The following CALU variants were observed in gnomAD, a reference collection of about 807,000 sequenced individuals.
CALU encodes IEF SSP 9302.
A neutral mutation model predicts 37.5 loss-of-function variants in CALU; 13 were observed. The ratio of observed to expected loss-of-function variants is 0.35; its 90% CI spans 0.23 to 0.55. The LOEUF is 0.55. CALU is among the 20% of genes least tolerant of loss of function. CALU has a pLI of 0.89. For missense variants in CALU, 282 were observed against 391.7 expected, an observed-to-expected ratio of 0.72 and a Z score of 2.36; for synonymous variants, 114 against 133.8, an observed-to-expected ratio of 0.85 and a Z score of 1.02.
At chr7:128,745,577 C>T (rs994230453) in intron 1 of CALU, among the ~76,000 whole-genome samples, 37 of 152,088 alleles carry the variant, frequency 2.4e-4, no homozygotes, top group African/African-American at 8.2e-4. Flanking sequence ...TATATCTAGC[C>T]TGGGTGACAG....
chr7:128,742,352 A>T (rs1800270999), intron 1 of CALU, among the ~76,000 whole-genome samples: 1 of 152,350 alleles, frequency 6.6e-6, no homozygotes, highest in East Asian at 1.9e-4. Context: ...GGAGAAATAA[A>T]TGCCTTTTCT....
rs777251068 is a variant in CALU at position 128,772,674 on chromosome 7, A to T, written c.*3507A>T. 6.2e-6 allele frequency: 10 copies of T among 1,613,934 alleles called. No individual in the cohort carries two copies. The South Asian group carries it at 7.7e-5, about 12-fold the overall frequency. ...CAAGCTTGGAACTGGAGAGAAAGGT[A>T]CAATTGGAGATAACCTTGGCAGATG... On this transcript the variant is annotated 3_prime_UTR_variant, in exon 7 of 7. Transcript: ENST00000249364.
chr7:128,750,220 CAAAAAAAA>C (rs398006225), intron 2 of CALU, among the ~76,000 whole-genome samples: 3 of 75,098 alleles, frequency 4.0e-5, no homozygotes, highest in African/African-American at 4.9e-5. Context: ...AGAGCCATCT[CAAAAAAAA>C]AAAAAAAAAA....
chr7:128,745,852 CAG>C (rs1343061848), intron 1 of CALU, among the ~76,000 whole-genome samples: 1 of 152,158 alleles, frequency 6.6e-6, no homozygotes, highest in African/African-American at 2.4e-5. Flanking sequence ...ACAAATTAGA[CAG>C]TACAGCAGGA....
Position 128,754,545 on chromosome 7 carries a change from A to G in CALU, c.415+90A>G, listed in dbSNP as rs1800795439. On this transcript the variant is annotated intron_variant, in intron 3 of 6. Coordinates refer to ENST00000249364, the MANE Select transcript of CALU (RefSeq NM_001219.5). ...GTCTTGTAGAATGATTGTAGATAAA[A>G]TAGACGCGGATAAAGATGGGTTTGT... is the stretch of plus-strand genomic sequence containing the variant. 5.1e-6 allele frequency: 8 copies of G among 1,560,640 alleles called. No homozygotes were observed. The Admixed American group carries it at 1.4e-4, about 26-fold the overall frequency.
In CALU at chr7:128,771,614, A is replaced by G. The variant is rs1293075713; in HGVS notation, c.*2447A>G. On this transcript the variant is annotated 3_prime_UTR_variant, in exon 7 of 7. Coordinates refer to ENST00000249364, the MANE Select transcript of CALU (RefSeq NM_001219.5). ...CAGCACTGCCTTCTCCTAAATGATT[A>G]TTCTTTTCTCCCTGTTTTCTGGTAT... 1.3e-5 allele frequency: 2 copies of G among 152,390 alleles called. No homozygotes were observed. Among genetic ancestry groups the G allele is most frequent in the African/African-American group, 4.8e-5 (2 of 41,432 alleles). 9.4% of individuals were successfully genotyped at this position (152,390 alleles called of 1,614,324 possible).
intron 6 of CALU, among the ~76,000 whole-genome samples, chr7:128,768,259 T>C (rs17475665): frequency 0.3 from 45,546 of 152,052 alleles, 8,060 homozygotes; most frequent in Non-Finnish European, 0.41. Flanking sequence ...TCTGAGTATA[T>C]TTTTGTCTAA....
At chr7:128,765,105 G>A (rs1801279876) in intron 5 of CALU, among the ~76,000 whole-genome samples, 1 of 152,080 alleles carries the variant, frequency 6.6e-6, no homozygotes, top group Admixed American at 6.5e-5. Flanking sequence ...TTATAGACAT[G>A]GGTCTCCCTA....
chr7:128,746,531 G>C (rs1800446874), intron 1 of CALU, among the ~76,000 whole-genome samples: 1 of 151,752 alleles, frequency 6.6e-6, no homozygotes, highest in Non-Finnish European at 1.5e-5. Flanking sequence ...TCAGCTAACT[G>C]CAACCTCCAC....
intron 3 of CALU, among the ~76,000 whole-genome samples, chr7:128,757,226 AAAGTAT>A (rs2128880739): frequency 6.6e-6 from 1 of 152,326 alleles, no homozygotes; most frequent in Admixed American, 6.5e-5. Context: ...ATCTAGTCTT[AAAGTAT>A]AAGTTGTCTT....
intron 3 of CALU, among the ~76,000 whole-genome samples, chr7:128,756,299 A>G (rs540806731): frequency 6.6e-6 from 1 of 152,356 alleles, no homozygotes. Context: ...GGTGCTGTGT[A>G]TGATTATGTG....
intron 3 of CALU, among the ~76,000 whole-genome samples, chr7:128,757,452 A>G (rs561824945): frequency 2.6e-5 from 4 of 152,122 alleles, no homozygotes; most frequent in Admixed American, 2.0e-4. Flanking sequence ...TTGACACTCA[A>G]TAAAAAATGA....
chr7:128,746,978 C>T (rs1402197803), intron 1 of CALU, among the ~76,000 whole-genome samples: 1 of 151,900 alleles, frequency 6.6e-6, no homozygotes, highest in Non-Finnish European at 1.5e-5. Context: ...CCGTGTTAGC[C>T]AGGATGATCT....
intron 5 of CALU, among the ~76,000 whole-genome samples, chr7:128,760,673 C>T (rs1801076604): frequency 6.6e-6 from 1 of 152,086 alleles, no homozygotes; most frequent in Admixed American, 6.6e-5. Flanking sequence ...CTTTGGGAGG[C>T]CGAGGCGGGC....
chr7:128,760,070 C>T (rs542279132), intron 5 of CALU, among the ~76,000 whole-genome samples: 3 of 152,200 alleles, frequency 2.0e-5, no homozygotes, highest in South Asian at 2.1e-4. Context: ...TGGTGGCGGG[C>T]GCCTGTAATC....
intron 6 of CALU, among the ~76,000 whole-genome samples, chr7:128,768,672 C>G (rs1801423069): frequency 6.6e-6 from 1 of 151,982 alleles, no homozygotes. Flanking sequence ...AACCCCATCT[C>G]TACTAAAAAT....
At chr7:128,760,202 A>G (rs541623811) in intron 5 of CALU, among the ~76,000 whole-genome samples, 1 of 152,220 alleles carries the variant, frequency 6.6e-6, no homozygotes, top group Non-Finnish European at 1.5e-5. Flanking sequence ...GTCTCAAAAA[A>G]AGAAAGAAAG....
At chr7:128,746,762 CTT>C (rs71162530) in intron 1 of CALU, among the ~76,000 whole-genome samples, 1 of 122,660 alleles carries the variant, frequency 8.2e-6, no homozygotes, top group Non-Finnish European at 1.6e-5. Flanking sequence ...TCATGTCATT[CTT>C]TTTTTTTTTT....
In CALU at chr7:128,766,140, TTAGTAG is replaced by T. The variant is rs528271549; in HGVS notation, c.644-1315_644-1310del. ...GCCCGGCTAATTTTATTTTTTATTT[TTAGTAG>T]AGACGGGGTTTCACCATGTTGGCCA... On this transcript the variant is annotated intron_variant, in intron 5 of 6. Transcript: ENST00000249364. 4.0e-3 allele frequency among the ~76,000 whole-genome samples: 613 copies of T among 152,102 alleles called. 3 individuals are homozygous for T. The highest frequency in any genetic ancestry group is 0.015 in the South Asian group (73 of 4,810).
Sources: gnomAD v4.1 joint callset for allele counts (sites outside exome capture counted in the v4.1 genomes callset) on GRCh38, gnomAD v4.1.1 for gene constraint, MANE v1.5 for transcripts, NCBI Gene and HGNC (gene_info 2026-07-23, HGNC 2026-07-21) for gene names.